CNTNAP5: variants seen among roughly 807,000 people sequenced by gnomAD.
The protein encoded by CNTNAP5 is contactin-associated protein-like 5.
A neutral mutation model predicts 150.2 loss-of-function variants in CNTNAP5; 72 were observed. That is an observed-to-expected ratio of 0.48 (90% CI 0.40 to 0.58). The LOEUF (loss-of-function observed/expected upper bound fraction) is 0.58, where lower values mean the gene tolerates loss of function less well. Among genes scored for constraint, CNTNAP5 ranks in the 20% least tolerant of loss-of-function variants. The pLI is 0.00. For synonymous variants in CNTNAP5, 672 were observed against 619.8 expected (o/e 1.08, Z -1.25); for missense variants, 1,636 against 1,626.2 (o/e 1.01, Z -0.10).
intron 1 of CNTNAP5, among the ~76,000 whole-genome samples, chr2:124,150,133 G>A (rs766873864): frequency 3.9e-5 from 6 of 152,106 alleles, no homozygotes; most frequent in Non-Finnish European, 7.4e-5. Context: ...TTTTCTACAA[G>A]AGCGTGTGGA....
intron 3 of CNTNAP5, among the ~76,000 whole-genome samples, chr2:124,254,713 T>C (rs937990260): frequency 1.3e-5 from 2 of 152,196 alleles, no homozygotes; most frequent in South Asian, 2.1e-4. Context: ...ATGGAGTAAC[T>C]TGATGGAGGC....
At chr2:124,462,882 C>T (rs1693285881) in intron 6 of CNTNAP5, among the ~76,000 whole-genome samples, 1 of 152,204 alleles carries the variant, frequency 6.6e-6, no homozygotes, top group Non-Finnish European at 1.5e-5. Context: ...CAAAGTTCTG[C>T]CCACACTGCA....
At chr2:124,745,480 A>G (rs536621357) in intron 13 of CNTNAP5, among the ~76,000 whole-genome samples, 5 of 152,104 alleles carry the variant, frequency 3.3e-5, no homozygotes, top group Admixed American at 6.6e-5. Context: ...AGCTTACTCC[A>G]TTCCTGAATG....
intron 12 of CNTNAP5, among the ~76,000 whole-genome samples, chr2:124,646,781 G>C (rs1189951014): frequency 1.3e-5 from 2 of 152,044 alleles, no homozygotes; most frequent in Non-Finnish European, 2.9e-5. Flanking sequence ...AATTGTTGTT[G>C]TTTTCTTAAC....
chr2:124,502,195 G>A (rs1052832624), intron 7 of CNTNAP5, among the ~76,000 whole-genome samples: 6 of 152,146 alleles, frequency 3.9e-5, no homozygotes, highest in Non-Finnish European at 8.8e-5. Flanking sequence ...ACCAATCCAG[G>A]AACTCCTTAG....
Position 124,884,110 on chromosome 2 carries a change from G to A in CNTNAP5, c.3436+14348G>A, listed in dbSNP as rs1678030193. 2.0e-5 allele frequency among the ~76,000 whole-genome samples: 3 copies of A among 152,054 alleles called. No individual in the cohort carries two copies. In the South Asian group the frequency reaches 6.2e-4, roughly 32 times the overall value. On this transcript the variant is annotated intron_variant, in intron 21 of 23. Coordinates refer to ENST00000682447, the MANE Select transcript of CNTNAP5 (RefSeq NM_001367498.1). ...TATGTCTGTGTGCATGTACATGTGT[G>A]TACCTATATGTGCATATTTCTATGT...
chr2:124,027,151 A>C (rs1680913932), intron 1 of CNTNAP5, among the ~76,000 whole-genome samples: 1 of 152,172 alleles, frequency 6.6e-6, no homozygotes, highest in African/African-American at 2.4e-5. Flanking sequence ...GAGCCGTTGG[A>C]ATCTGAGTTT....
At chr2:124,139,741 A>G (rs1684063459) in intron 1 of CNTNAP5, among the ~76,000 whole-genome samples, 1 of 152,136 alleles carries the variant, frequency 6.6e-6, no homozygotes, top group African/African-American at 2.4e-5. Flanking sequence ...ATTGTTATTA[A>G]TTATAGGGAA....
intron 3 of CNTNAP5, among the ~76,000 whole-genome samples, chr2:124,359,140 C>T (rs939362545): frequency 2.3e-4 from 35 of 152,226 alleles, no homozygotes; most frequent in Admixed American, 8.5e-4. Flanking sequence ...TCTGTGGGAT[C>T]GGCGGTGATA....
intron 21 of CNTNAP5, among the ~76,000 whole-genome samples, chr2:124,883,697 T>C (rs78646002): frequency 0.011 from 1,747 of 152,242 alleles, 46 homozygotes; most frequent in African/African-American, 0.039. Flanking sequence ...TGTGTACACA[T>C]ATTGGTACAT....
intron 6 of CNTNAP5, among the ~76,000 whole-genome samples, chr2:124,465,877 G>A (rs890811743): frequency 3.9e-5 from 6 of 152,246 alleles, no homozygotes; most frequent in African/African-American, 1.4e-4. Flanking sequence ...ATAGATCAAG[G>A]TAATGGATCT....
chr2:124,317,603 A>T (rs573588144), intron 3 of CNTNAP5, among the ~76,000 whole-genome samples: 3 of 152,284 alleles, frequency 2.0e-5, no homozygotes, highest in African/African-American at 7.2e-5. Flanking sequence ...TGGAGGGAAA[A>T]CAAATACACT....
At chr2:124,821,677 C>G (rs539559881) in intron 19 of CNTNAP5, among the ~76,000 whole-genome samples, 1 of 152,258 alleles carries the variant, frequency 6.6e-6, no homozygotes, top group Admixed American at 6.5e-5. Context: ...AACAGCTCCA[C>G]TCGATCTTAG....
chr2:124,892,252 G>T (rs1363105560), intron 21 of CNTNAP5, among the ~76,000 whole-genome samples: 1 of 152,120 alleles, frequency 6.6e-6, no homozygotes, highest in Non-Finnish European at 1.5e-5. Context: ...ATCAGATGGA[G>T]AAACTGGGAA....
At chr2:124,717,709 C>T (rs2105112334) in intron 13 of CNTNAP5, among the ~76,000 whole-genome samples, 1 of 152,252 alleles carries the variant, frequency 6.6e-6, no homozygotes, top group South Asian at 2.1e-4. Flanking sequence ...GGAAATCTGA[C>T]ATAAATGGTG....
intron 1 of CNTNAP5, among the ~76,000 whole-genome samples, chr2:124,215,306 T>G (rs1686126075): frequency 6.6e-6 from 1 of 152,164 alleles, no homozygotes; most frequent in Admixed American, 6.5e-5. Context: ...CATCTGTAAC[T>G]CTATTGGTAT....
At position 124,409,085 on chromosome 2, in the gene CNTNAP5, G is replaced by A. The variant is rs1691675099; in HGVS notation, c.382-8358G>A. 2.1e-5 allele frequency among the ~76,000 whole-genome samples: 3 copies of A among 141,980 alleles called. No individual in the cohort carries two copies. In the Admixed American group the frequency reaches 2.2e-4, roughly 10 times the overall value. 93.1% of individuals were successfully genotyped at this position (141,980 alleles called of 152,430 possible). On this transcript the variant is annotated intron_variant, in intron 3 of 23. Coordinates refer to ENST00000682447, the MANE Select transcript of CNTNAP5 (RefSeq NM_001367498.1). The stretch of plus-strand genomic sequence containing the variant: ...AACCAAGGCTCGAGAACTACGTGAA[G>A]AATGCAGAAGCCTCAGGAGCCGATG...
At chr2:124,402,731 A>C (rs1409132175) in intron 3 of CNTNAP5, among the ~76,000 whole-genome samples, 1 of 152,234 alleles carries the variant, frequency 6.6e-6, no homozygotes, top group Admixed American at 6.5e-5. Context: ...CGACAAGTAG[A>C]TACACACATA....
chr2:124,854,881 C>A (rs190964908), intron 19 of CNTNAP5, among the ~76,000 whole-genome samples: 145 of 152,152 alleles, frequency 9.5e-4, no homozygotes, highest in Non-Finnish European at 1.6e-3. Flanking sequence ...CAAGTGGGGA[C>A]CTGGGTCACA....
Sources: gnomAD v4.1 joint callset for allele counts (sites outside exome capture counted in the v4.1 genomes callset) on GRCh38, gnomAD v4.1.1 for gene constraint, MANE v1.5 for transcripts, NCBI Gene and HGNC (gene_info 2026-07-23, HGNC 2026-07-21) for gene names.